TMEM232: variants seen among roughly 807,000 people sequenced by gnomAD.
TMEM232 encodes transmembrane protein 232.
A neutral mutation model predicts 78.8 loss-of-function variants in TMEM232; 80 were observed. The ratio of observed to expected loss-of-function variants is 1.01; its 90% CI spans 0.85 to 1.22. The LOEUF is 1.22. TMEM232 is among the 50% of genes most tolerant of loss of function. The pLI, the probability that TMEM232 is intolerant of heterozygous loss-of-function variation, is 0.00. For synonymous variants in TMEM232, 297 were observed against 254.3 expected (o/e 1.17, Z -1.60); for missense variants, 881 against 742.2 (o/e 1.19, Z -2.17).
At chr5:110,686,623 G>T (rs1580662735) in intron 1 of TMEM232, among the ~76,000 whole-genome samples, 1 of 152,004 alleles carries the variant, frequency 6.6e-6, no homozygotes, top group Non-Finnish European at 1.5e-5. Flanking sequence ...CCCTTATTGA[G>T]TTGTATGAAC....
intron 1 of TMEM232, among the ~76,000 whole-genome samples, chr5:110,707,021 A>T (rs534516533): frequency 6.6e-6 from 1 of 152,330 alleles, no homozygotes; most frequent in East Asian, 1.9e-4. Flanking sequence ...CCCTTGGATG[A>T]TATCAACCAA....
At chr5:110,724,201 C>T (rs978800365) in intron 1 of TMEM232, among the ~76,000 whole-genome samples, 9 of 152,104 alleles carry the variant, frequency 5.9e-5, no homozygotes, top group Non-Finnish European at 7.4e-5. Flanking sequence ...TTATATCTTT[C>T]GATATTCACA....
intron 12 of TMEM232, among the ~76,000 whole-genome samples, chr5:110,500,101 G>A (rs1766081900): frequency 6.6e-6 from 1 of 151,916 alleles, no homozygotes; most frequent in Non-Finnish European, 1.5e-5. Context: ...AGACCAGCCT[G>A]GCCGACTTAG....
chr5:110,499,095 T>C (rs1272986968), intron 12 of TMEM232, among the ~76,000 whole-genome samples: 1 of 151,266 alleles, frequency 6.6e-6, no homozygotes, highest in African/African-American at 2.4e-5. Context: ...ATAAAGAAAA[T>C]AAAATGGAAT....
chr5:110,703,229 G>C (rs1178273171), intron 1 of TMEM232, among the ~76,000 whole-genome samples: 1 of 152,142 alleles, frequency 6.6e-6, no homozygotes, highest in South Asian at 2.1e-4. Flanking sequence ...GGCAGATATA[G>C]CTAATCAAGG....
At chr5:110,588,064 T>C (rs919148712) in intron 10 of TMEM232, among the ~76,000 whole-genome samples, 12 of 152,096 alleles carry the variant, frequency 7.9e-5, no homozygotes, top group Non-Finnish European at 1.6e-4. Context: ...AAAGATCTAA[T>C]AGAATATCAT....
downstream of TMEM232, among the ~76,000 whole-genome samples, chr5:110,416,918 T>G (rs563682372): frequency 9.2e-5 from 14 of 152,300 alleles, no homozygotes; most frequent in Admixed American, 9.2e-4. Flanking sequence ...GCTTTCCTTT[T>G]TTCAAAACAA....
intron 12 of TMEM232, among the ~76,000 whole-genome samples, chr5:110,474,200 T>G (rs1312517322): frequency 6.6e-6 from 1 of 151,938 alleles, no homozygotes; most frequent in Non-Finnish European, 1.5e-5. Context: ...TTACCCTGAT[T>G]TGATCATTAT....
At chr5:110,522,014 A>T in intron 12 of TMEM232, among the ~76,000 whole-genome samples, 1 of 152,152 alleles carries the variant, frequency 6.6e-6, no homozygotes, top group East Asian at 1.9e-4. Context: ...TGTGATTTTG[A>T]TTGCATTGAA....
intron 12 of TMEM232, among the ~76,000 whole-genome samples, chr5:110,520,537 G>A (rs759906061): frequency 9.2e-5 from 14 of 152,088 alleles, no homozygotes; most frequent in Non-Finnish European, 2.1e-4. Flanking sequence ...GATCTAACAG[G>A]ACACTATTAG....
chr5:110,547,072 A>G (rs1773868163), intron 11 of TMEM232, among the ~76,000 whole-genome samples: 1 of 152,082 alleles, frequency 6.6e-6, no homozygotes, highest in East Asian at 1.9e-4. Context: ...TAAATAGAAC[A>G]TATTCTGACT....
At chr5:110,458,251 CTT>C (rs942312023) in intron 12 of TMEM232, among the ~76,000 whole-genome samples, 6 of 151,634 alleles carry the variant, frequency 4.0e-5, no homozygotes, top group African/African-American at 9.7e-5. Flanking sequence ...GCAATTTTCT[CTT>C]TGTCTTTGTT....
At chr5:110,554,520 C>G (rs1774846465) in intron 11 of TMEM232, among the ~76,000 whole-genome samples, 1 of 152,106 alleles carries the variant, frequency 6.6e-6, no homozygotes, top group African/African-American at 2.4e-5. Context: ...CAAAAACCTA[C>G]TTGATCATAG....
intron 13 of TMEM232, among the ~76,000 whole-genome samples, chr5:110,422,351 T>TAAAC (rs1206230902): frequency 3.3e-5 from 5 of 151,110 alleles, no homozygotes; most frequent in African/African-American, 1.2e-4. Context: ...CCGTCTCTAC[T>TAAAC]AAACAAAATA....
intron 12 of TMEM232, among the ~76,000 whole-genome samples, chr5:110,471,677 G>A (rs1428247045): frequency 6.6e-6 from 1 of 151,298 alleles, no homozygotes; most frequent in East Asian, 1.9e-4. Context: ...TAGCAGACCA[G>A]TCCTTCATTA....
chr5:110,534,637 T>G (rs538889250), intron 11 of TMEM232, among the ~76,000 whole-genome samples: 141 of 152,284 alleles, frequency 9.3e-4, no homozygotes, highest in Non-Finnish European at 1.1e-3. Flanking sequence ...CCTGCTCTTG[T>G]TTACACTGCT....
rs974866244 is a variant in TMEM232, at chr5:110,535,763, T to C, written c.1456-6928A>G. Among the ~76,000 whole-genome samples, 7 of 152,266 alleles carry C rather than the reference T, an allele frequency of 4.6e-5. No individual in the cohort carries two copies. In the East Asian group the frequency reaches 5.8e-4, roughly 13 times the overall value. ...AAAAAAATGATGTCTTCTCATGATA[T>C]AATTTTTGGTAAAACACACTGTAAT... On this transcript the variant is annotated intron_variant, in intron 11 of 13. Transcript: ENST00000455884.
downstream of TMEM232, among the ~76,000 whole-genome samples, chr5:110,416,823 C>T (rs576983461): frequency 1.3e-5 from 2 of 152,278 alleles, no homozygotes; most frequent in Admixed American, 1.3e-4. Flanking sequence ...AACACCCACT[C>T]ATCAATGCAT....
chr5:110,403,736 T>A (rs181560042), intron 2 of TMEM232, among the ~76,000 whole-genome samples: 51 of 152,070 alleles, frequency 3.4e-4, no homozygotes, highest in Admixed American at 3.2e-3. Flanking sequence ...CCAAAAACCT[T>A]TGAAAATCAG....
Sources: allele counts gnomAD v4.1 joint callset (sites outside exome capture counted in the v4.1 genomes callset), GRCh38; gene constraint gnomAD v4.1.1; transcripts MANE v1.5; gene names NCBI Gene and HGNC (gene_info 2026-07-23, HGNC 2026-07-21).